Variants in GRM7 observed in about 807,000 individuals in gnomAD.
The protein encoded by GRM7 is metabotropic glutamate receptor 7.
Under a neutral mutation model 84.5 loss-of-function variants are expected in GRM7, and 35 were observed. That is an observed-to-expected ratio of 0.41 (90% confidence interval 0.32 to 0.55). The LOEUF is 0.55. GRM7 is among the 20% of genes least tolerant of loss of function. The pLI, the probability that GRM7 is intolerant of heterozygous loss-of-function variation, is 0.19. For synonymous variants in GRM7, 487 were observed against 455.1 expected, an observed-to-expected ratio of 1.07 and a Z score of -0.89; for missense variants, 1,003 against 1,194.6, an observed-to-expected ratio of 0.84 and a Z score of 2.36.
At chr3:7,696,996 A>T (rs986071210) in intron 9 of GRM7, among the ~76,000 whole-genome samples, 7 of 152,258 alleles carry the variant, frequency 4.6e-5, no homozygotes, top group African/African-American at 1.7e-4. Flanking sequence ...ACAGCTAAAG[A>T]TAAACCTCCC....
chr3:7,068,795 G>A (rs2124980896), intron 1 of GRM7, among the ~76,000 whole-genome samples: 1 of 151,864 alleles, frequency 6.6e-6, no homozygotes, highest in African/African-American at 2.4e-5. Flanking sequence ...TTTCAACTGT[G>A]AAAAACCCAG....
chr3:7,491,412 G>GGATA (rs369529392), intron 7 of GRM7, among the ~76,000 whole-genome samples: 8 of 149,866 alleles, frequency 5.3e-5, no homozygotes, highest in Non-Finnish European at 1.0e-4. Context: ...GATTTAGATG[G>GGATA]TATATATATA....
intron 1 of GRM7, among the ~76,000 whole-genome samples, chr3:7,041,496 A>G (rs1696614465): frequency 6.6e-6 from 1 of 152,226 alleles, no homozygotes; most frequent in Non-Finnish European, 1.5e-5. Context: ...CATTGTATGA[A>G]CATACCACAA....
intron 2 of GRM7, among the ~76,000 whole-genome samples, chr3:7,222,009 A>G (rs1437121408): frequency 6.6e-6 from 1 of 151,750 alleles, no homozygotes; most frequent in African/African-American, 2.4e-5. Flanking sequence ...GGGTTTCACC[A>G]TGTTGACCGG....
At chr3:7,672,257 A>G (rs1356219083) in intron 8 of GRM7, among the ~76,000 whole-genome samples, 1 of 152,224 alleles carries the variant, frequency 6.6e-6, no homozygotes, top group African/African-American at 2.4e-5. Flanking sequence ...CTTCACAAAT[A>G]TGTGAGCACT....
At chr3:7,000,587 A>G (rs1434474299) in intron 1 of GRM7, among the ~76,000 whole-genome samples, 2 of 152,170 alleles carry the variant, frequency 1.3e-5, no homozygotes, top group Non-Finnish European at 2.9e-5. Context: ...TTTAAATTCC[A>G]TCTCTGTCCC....
chr3:7,176,229 TAA>T (rs55732650), intron 2 of GRM7, among the ~76,000 whole-genome samples: 11,262 of 61,962 alleles, frequency 0.18, 310 homozygotes, highest in East Asian at 0.36. Flanking sequence ...CTATAAAAAG[TAA>T]AAAAAAAAAA....
chr3:7,391,149 G>C (rs1694978679), intron 4 of GRM7, among the ~76,000 whole-genome samples: 1 of 151,888 alleles, frequency 6.6e-6, no homozygotes. Context: ...CAGGTTCCTT[G>C]GTTGCAGATA....
chr3:7,454,072 A>C (rs1396325211), intron 6 of GRM7, among the ~76,000 whole-genome samples: 1 of 134,578 alleles, frequency 7.4e-6, no homozygotes, highest in East Asian at 2.1e-4. Flanking sequence ...AGAACCATAC[A>C]TGAAAAGCTA....
chr3:7,299,886 A>T (rs934443647), intron 3 of GRM7, among the ~76,000 whole-genome samples: 2 of 152,126 alleles, frequency 1.3e-5, no homozygotes, highest in African/African-American at 4.8e-5. Context: ...CCTTTTGCAC[A>T]AATCTGTGTG....
At chr3:7,450,281 A>G (rs927985444) in intron 5 of GRM7, among the ~76,000 whole-genome samples, 1 of 152,122 alleles carries the variant, frequency 6.6e-6, no homozygotes, top group East Asian at 1.9e-4. Flanking sequence ...TCGACAGCAT[A>G]CTCTGTTGCT....
intron 4 of GRM7, among the ~76,000 whole-genome samples, chr3:7,382,459 G>C (rs956014705): frequency 6.6e-6 from 1 of 152,070 alleles, no homozygotes; most frequent in African/African-American, 2.4e-5. Flanking sequence ...TACTGGGAAT[G>C]CTCCTCAAAC....
intron 7 of GRM7, among the ~76,000 whole-genome samples, chr3:7,517,059 A>G (rs367728922): frequency 1.1e-4 from 17 of 152,214 alleles, no homozygotes; most frequent in African/African-American, 3.6e-4. Context: ...GGGCTATGGC[A>G]TGCTTTCTTT....
intron 9 of GRM7, chr3:7,694,432 C>T: frequency 1.1e-6 from 1 of 944,592 alleles, no homozygotes; most frequent in Non-Finnish European, 1.3e-6. Context: ...CATCCTGTAC[C>T]ACACATAATA....
intron 5 of GRM7, among the ~76,000 whole-genome samples, chr3:7,444,122 C>T (rs1302720041): frequency 6.6e-6 from 1 of 152,064 alleles, no homozygotes; most frequent in Non-Finnish European, 1.5e-5. Context: ...CATCTGGCTT[C>T]TTAATGCATT....
chr3:7,447,458 A>C (rs1052764222), intron 5 of GRM7, among the ~76,000 whole-genome samples: 1 of 152,210 alleles, frequency 6.6e-6, no homozygotes, highest in Non-Finnish European at 1.5e-5. Context: ...ATCAAGCTTT[A>C]GTAAATGGGT....
intron 8 of GRM7, among the ~76,000 whole-genome samples, chr3:7,587,614 A>T (rs758905313): frequency 1.3e-4 from 20 of 152,190 alleles, no homozygotes; most frequent in Admixed American, 2.0e-4. Flanking sequence ...AAGTGTTTCA[A>T]TGGTTTATAG....
intron 1 of GRM7, among the ~76,000 whole-genome samples, chr3:6,927,461 GAGAGAAAGAAAGAAAGAAAGAA>G (rs1178832983): frequency 4.2e-5 from 3 of 71,794 alleles, no homozygotes; most frequent in South Asian, 8.5e-4. Flanking sequence ...AAGAAAGAGA[GAGAGAAAGAAAGAAAGAAAGAA>G]AGAAAGAAAG....
chr3:7,177,575 C>T (rs1031553593), intron 2 of GRM7, among the ~76,000 whole-genome samples: 6 of 145,528 alleles, frequency 4.1e-5, no homozygotes, highest in Non-Finnish European at 6.0e-5. Flanking sequence ...GGAAGGAAGG[C>T]GGGCGACAGA....
Sources: gnomAD v4.1 joint callset for allele counts (sites outside exome capture counted in the v4.1 genomes callset) on GRCh38, gnomAD v4.1.1 for gene constraint, MANE v1.5 for transcripts, NCBI Gene and HGNC (gene_info 2026-07-23, HGNC 2026-07-21) for gene names.